The following NBAS variants were observed in gnomAD, a reference collection of about 807,000 sequenced individuals.
The protein encoded by NBAS is NAG/BC035112 fusion.
A neutral mutation model predicts 302.5 loss-of-function variants in NBAS; 219 were observed. That is an observed-to-expected ratio of 0.72 (90% CI 0.65 to 0.81). NBAS has a LOEUF of 0.81. NBAS is among the 30% of genes least tolerant of loss of function. The pLI is 0.00. For synonymous variants in NBAS, 1,118 were observed against 1,021.6 expected, an observed-to-expected ratio of 1.09 and a Z score of -1.80; for missense variants, 2,932 against 2,841.6, an observed-to-expected ratio of 1.03 and a Z score of -0.72.
chr2:14,895,510 G>A, the NBAS span, among the ~76,000 whole-genome samples: 2 of 152,126 alleles, frequency 1.3e-5, no homozygotes, highest in Non-Finnish European at 2.9e-5. Flanking sequence ...AGGAAAAGGC[G>A]GGTGGATCAC....
At chr2:15,015,466 T>C in the NBAS span, among the ~76,000 whole-genome samples, 1 of 152,220 alleles carries the variant, frequency 6.6e-6, no homozygotes, top group African/African-American at 2.4e-5. Context: ...ATCCCAGGCA[T>C]GCAAAGATGG....
At chr2:15,294,281 G>C (rs1205609932) in intron 40 of NBAS, among the ~76,000 whole-genome samples, 2 of 151,942 alleles carry the variant, frequency 1.3e-5, no homozygotes, top group Non-Finnish European at 2.9e-5. Flanking sequence ...TAATAACGAG[G>C]GCAGCAAAAA....
the NBAS span, among the ~76,000 whole-genome samples, chr2:15,130,511 C>A: frequency 2.6e-5 from 4 of 152,210 alleles, no homozygotes; most frequent in Admixed American, 6.5e-5. Context: ...TTTGGCCGAG[C>A]CTGTCTCACC....
chr2:15,017,152 AC>A, the NBAS span, among the ~76,000 whole-genome samples: 1 of 152,118 alleles, frequency 6.6e-6, no homozygotes, highest in Non-Finnish European at 1.5e-5. Flanking sequence ...CTCACCCTAT[AC>A]AAAAATCATC....
the NBAS span, among the ~76,000 whole-genome samples, chr2:15,102,827 G>T: frequency 3.3e-5 from 5 of 152,108 alleles, no homozygotes; most frequent in Admixed American, 6.5e-5. Context: ...TGGAATACTT[G>T]GAGAGAGCAA....
the NBAS span, among the ~76,000 whole-genome samples, chr2:15,126,245 A>G: frequency 6.6e-6 from 1 of 152,138 alleles, no homozygotes; most frequent in Non-Finnish European, 1.5e-5. Context: ...GCCTTCCTCC[A>G]TGATTATAAG....
At chr2:15,201,890 A>G (rs948128569) in intron 48 of NBAS, among the ~76,000 whole-genome samples, 12 of 152,220 alleles carry the variant, frequency 7.9e-5, no homozygotes, top group Non-Finnish European at 1.8e-4. Flanking sequence ...TAGCTCATGC[A>G]AGGGTGAGAA....
At position 15,394,295 on chromosome 2, in the gene NBAS, T is replaced by C. The variant is rs1229189306; in HGVS notation, c.3189A>G (p.Lys1063=). The change falls in exon 28 of 52, where the codon AAA becomes AAG. Residue 1063 remains lysine, a synonymous_variant. Transcript: ENST00000281513. ...CCTCTTCTGAGCTAGATTGAGTGTT[T>C]TTAACAAATGAAATTGGTTTCTCGA... ...HGLEKPISFV[K]NTQSSSEEAR... 6.2e-7 allele frequency: 1 copy of C among 1,613,328 alleles called. No homozygotes were observed. The highest frequency in any genetic ancestry group is 1.1e-5 in the South Asian group (1 of 91,060).
At position 15,511,455 on chromosome 2, in the gene NBAS, C is replaced by CTAT. The variant is rs1662141797; in HGVS notation, c.747-108_747-106dup. 3 of 983,362 alleles carry CTAT rather than the reference C, an allele frequency of 3.1e-6. No individual in the cohort carries two copies. The Admixed American group carries it at 6.3e-5, about 21-fold the overall frequency. 60.9% of individuals were successfully genotyped at this position (983,362 alleles called of 1,614,324 possible). ...CTTGAGAAAGAAAATTTACCAAGTA[C>CTAT]TATTAATATATGTTAAACCTAGAAG... On this transcript the variant is annotated intron_variant, in intron 9 of 51. Coordinates refer to ENST00000281513, the MANE Select transcript of NBAS (RefSeq NM_015909.4).
At chr2:14,812,331 C>T in the NBAS span, among the ~76,000 whole-genome samples, 2 of 152,282 alleles carry the variant, frequency 1.3e-5, no homozygotes, top group African/African-American at 4.8e-5. Context: ...CCCATGCCAA[C>T]CCCAGAGCCA....
At chr2:14,949,288 A>C in the NBAS span, among the ~76,000 whole-genome samples, 1 of 152,212 alleles carries the variant, frequency 6.6e-6, no homozygotes, top group Non-Finnish European at 1.5e-5. Flanking sequence ...GCAAACAATC[A>C]AAGTGAAAAG....
In NBAS at chr2:15,551,524, A is replaced by G. The variant is rs774934364; in HGVS notation, c.348T>C (p.Asp116=). The change falls in exon 6 of 52, where the codon GAT becomes GAC. Residue 116 remains aspartate (D), a synonymous_variant. Coordinates refer to ENST00000281513, the MANE Select transcript of NBAS (RefSeq NM_015909.4). ...ATTTCCCAATAATGGATGTAAAATC[A>G]TCTTTTGCAGACCTGTAAAACATGC... ...DQCVEIRSAK[D]DFTSIIGKCQ... is the part of the protein sequence containing the mutation. 3 of 1,609,376 alleles carry G rather than the reference A, an allele frequency of 1.9e-6. No homozygotes were observed. The highest frequency in any genetic ancestry group is 2.5e-6 in the Non-Finnish European group (3 of 1,177,238).
At chr2:14,965,770 C>CT in the NBAS span, among the ~76,000 whole-genome samples, 1 of 105,820 alleles carries the variant, frequency 9.5e-6, no homozygotes, top group East Asian at 3.8e-4. Flanking sequence ...ATGCAAAATT[C>CT]TAAAAAAAAA....
chr2:15,215,269 A>G (rs1666603117), intron 48 of NBAS, among the ~76,000 whole-genome samples: 1 of 152,196 alleles, frequency 6.6e-6, no homozygotes, highest in African/African-American at 2.4e-5. Context: ...TTAACTAATC[A>G]TTAGAAAACT....
At chr2:14,832,354 C>T in the NBAS span, among the ~76,000 whole-genome samples, 414 of 152,190 alleles carry the variant, frequency 2.7e-3, no homozygotes, top group Non-Finnish European at 4.9e-3. Context: ...CTCACAAAGA[C>T]CAGGTAGAGC....
At chr2:14,820,042 G>C in the NBAS span, among the ~76,000 whole-genome samples, 1 of 152,178 alleles carries the variant, frequency 6.6e-6, no homozygotes, top group African/African-American at 2.4e-5. Context: ...TGAGGGGAAA[G>C]GGAACCCTCA....
chr2:15,084,003 G>A, the NBAS span, among the ~76,000 whole-genome samples: 18 of 151,816 alleles, frequency 1.2e-4, no homozygotes, highest in African/African-American at 3.9e-4. Context: ...ATTTAGCATC[G>A]TAAATAGTAC....
intron 27 of NBAS, among the ~76,000 whole-genome samples, chr2:15,395,162 T>C (rs956648157): frequency 7.9e-5 from 12 of 152,228 alleles, no homozygotes; most frequent in Admixed American, 3.3e-4. Context: ...GGGTGTTAAG[T>C]GTTTCCTTGA....
At chr2:14,885,186 C>T in the NBAS span, among the ~76,000 whole-genome samples, 1 of 152,124 alleles carries the variant, frequency 6.6e-6, no homozygotes, top group Non-Finnish European at 1.5e-5. Context: ...TGATGACAAG[C>T]ATGGAAGCTC....
Sources: allele counts gnomAD v4.1 joint callset (sites outside exome capture counted in the v4.1 genomes callset), GRCh38; gene constraint gnomAD v4.1.1; transcripts MANE v1.5; gene names NCBI Gene and HGNC (gene_info 2026-07-23, HGNC 2026-07-21).